FAAH2: variants seen among roughly 807,000 people sequenced by gnomAD.
FAAH2 encodes fatty-acid amide hydrolase 2.
A neutral mutation model predicts 36.9 loss-of-function variants in FAAH2; 60 were observed. The ratio of observed to expected loss-of-function variants is 1.63; its 90% CI spans 1.32 to 2.02. FAAH2 has a LOEUF of 2.02. FAAH2 is among the 30% of genes most tolerant of loss of function. FAAH2 has a pLI of 0.00. For synonymous variants in FAAH2, 214 were observed against 143.8 expected (o/e 1.49, Z -3.49); for missense variants, 689 against 397.5 (o/e 1.73, Z -6.23).
At chrX:57,133,924 T>C in the FAAH2 span, among the ~76,000 whole-genome samples, 1 of 111,442 alleles carries the variant, frequency 9.0e-6, no homozygotes, top group Non-Finnish European at 1.9e-5. Flanking sequence ...TTTACCACCT[T>C]CTTTCAACTC....
the FAAH2 span, among the ~76,000 whole-genome samples, chrX:57,124,653 A>T: frequency 9.0e-6 from 1 of 111,495 alleles, no homozygotes. Context: ...ATGTTCTTCC[A>T]TTTGTTTGTA....
chrX:57,179,523 C>T, the FAAH2 span, among the ~76,000 whole-genome samples: 1 of 112,151 alleles, frequency 8.9e-6, no homozygotes, highest in Non-Finnish European at 1.9e-5. Flanking sequence ...AATAAGACAA[C>T]AAACAGCATT....
intron 8 of FAAH2, among the ~76,000 whole-genome samples, chrX:57,441,846 C>T (rs2056565574): frequency 9.0e-6 from 1 of 111,499 alleles, no homozygotes. Flanking sequence ...ATCTTTATTT[C>T]TGCCTTCATT....
At chrX:57,466,411 T>C (rs1321279878) in intron 10 of FAAH2, among the ~76,000 whole-genome samples, 1 of 105,934 alleles carries the variant, frequency 9.4e-6, no homozygotes, top group African/African-American at 3.5e-5. Flanking sequence ...TGTGTATATA[T>C]ATCTTAATTA....
intron 4 of FAAH2, among the ~76,000 whole-genome samples, chrX:57,338,974 G>T (rs142945244): frequency 0.015 from 1,637 of 111,431 alleles, 16 homozygotes; most frequent in Non-Finnish European, 0.022. Flanking sequence ...TAAGCAAAAA[G>T]AACAAAGCTG....
At chrX:57,253,034 A>G in the FAAH2 span, among the ~76,000 whole-genome samples, 1 of 111,961 alleles carries the variant, frequency 8.9e-6, no homozygotes, top group Non-Finnish European at 1.9e-5. Context: ...GGTAAGACGA[A>G]TGGCTAACTA....
the FAAH2 span, among the ~76,000 whole-genome samples, chrX:57,183,320 G>A: frequency 1.1e-3 from 124 of 111,648 alleles, no homozygotes; most frequent in African/African-American, 4.0e-3. Flanking sequence ...TGGGAAGTTA[G>A]TCATAATGTG....
intron 10 of FAAH2, among the ~76,000 whole-genome samples, chrX:57,477,668 TAA>T (rs1307705809): frequency 2.0e-4 from 18 of 89,521 alleles, no homozygotes; most frequent in Non-Finnish European, 1.3e-4. Context: ...GGCCCCGGTG[TAA>T]GATGTTTCCC....
intron 5 of FAAH2, among the ~76,000 whole-genome samples, chrX:57,363,715 T>G (rs193191400): frequency 9.0e-6 from 1 of 111,222 alleles, no homozygotes; most frequent in Non-Finnish European, 1.9e-5. Context: ...CAATGATGGT[T>G]CTTATTATTT....
intron 7 of FAAH2, among the ~76,000 whole-genome samples, chrX:57,402,223 G>A (rs1034930240): frequency 8.9e-6 from 1 of 112,120 alleles, no homozygotes; most frequent in Non-Finnish European, 1.9e-5. Flanking sequence ...CTGGGGCAGT[G>A]GGCCTTCCCG....
the FAAH2 span, among the ~76,000 whole-genome samples, chrX:57,263,677 A>G: frequency 1.8e-5 from 2 of 112,146 alleles, no homozygotes; most frequent in Non-Finnish European, 3.8e-5. Flanking sequence ...AAATACATAT[A>G]TCTATCATCA....
intron 2 of FAAH2, among the ~76,000 whole-genome samples, chrX:57,299,190 G>A (rs958549894): frequency 8.9e-6 from 1 of 111,810 alleles, no homozygotes; most frequent in African/African-American, 3.3e-5. Flanking sequence ...GATGAACATT[G>A]ATGCAAAAAT....
chrX:57,232,492 G>C, the FAAH2 span, among the ~76,000 whole-genome samples: 1 of 111,969 alleles, frequency 8.9e-6, no homozygotes, highest in African/African-American at 3.2e-5. Context: ...TTAAAATTAC[G>C]TAGGCTTTAA....
At chrX:57,316,094 G>C (rs2052829846) in intron 3 of FAAH2, among the ~76,000 whole-genome samples, 1 of 111,057 alleles carries the variant, frequency 9.0e-6, no homozygotes, top group Non-Finnish European at 1.9e-5. Flanking sequence ...GTAGTATAAT[G>C]ATGTCCTGGT....
At chrX:57,197,392 T>G in the FAAH2 span, among the ~76,000 whole-genome samples, 1 of 111,846 alleles carries the variant, frequency 8.9e-6, no homozygotes, top group African/African-American at 3.3e-5. Context: ...TTTTTATTGG[T>G]TTAGATTCAT....
At chrX:57,174,325 T>C in the FAAH2 span, among the ~76,000 whole-genome samples, 1 of 110,982 alleles carries the variant, frequency 9.0e-6, no homozygotes, top group African/African-American at 3.3e-5. Flanking sequence ...TGTGTGTGCA[T>C]ATGTTACCAG....
At chrX:57,471,124 C>T (rs1338602594) in intron 10 of FAAH2, among the ~76,000 whole-genome samples, 1 of 111,784 alleles carries the variant, frequency 8.9e-6, no homozygotes, top group East Asian at 2.8e-4. Flanking sequence ...TTATAACAAA[C>T]TCACAGCCAA....
At chrX:57,205,403 T>G in the FAAH2 span, among the ~76,000 whole-genome samples, 1 of 112,608 alleles carries the variant, frequency 8.9e-6, no homozygotes, top group South Asian at 3.7e-4. Context: ...ATATGAGTGA[T>G]GTAAAAAGCA....
In FAAH2 at chrX:57,424,733, C is replaced by T. The variant is rs759581978; in HGVS notation, c.997-7185C>T. Among the ~76,000 whole-genome samples the T allele has an allele frequency of 3.6e-5, 4 of 111,853 alleles. 1 individual carries two copies. Among genetic ancestry groups the T allele is most frequent in the Admixed American group, 2.8e-4 (3 of 10,548 alleles). ...ATATCTCCAAAGGGAATAAATATGG[C>T]CTTTATAAGCAAAAGTAAATTTAAA... On this transcript the variant is annotated intron_variant, in intron 7 of 10. Transcript: ENST00000374900.
Sources: allele counts gnomAD v4.1 joint callset (sites outside exome capture counted in the v4.1 genomes callset), GRCh38; gene constraint gnomAD v4.1.1; transcripts MANE v1.5; gene names NCBI Gene and HGNC (gene_info 2026-07-23, HGNC 2026-07-21).